Variants in WWOX observed in about 807,000 individuals in gnomAD.
WWOX encodes WW domain-containing oxidoreductase.
In WWOX, 69 loss-of-function variants were observed where a neutral mutation model predicts 46.2. The observed-to-expected ratio is 1.49, with a 90% CI of 1.23 to 1.82. The LOEUF (loss-of-function observed/expected upper bound fraction) is 1.82, where lower values mean the gene tolerates loss of function less well. Among genes scored for constraint, WWOX ranks in the 40% most tolerant of loss-of-function variants. WWOX has a pLI of 0.00. For synonymous variants in WWOX, 359 were observed against 202.6 expected (o/e 1.77, Z -6.56); for missense variants, 919 against 542.6 (o/e 1.69, Z -6.89).
chr16:79,176,531 A>C (rs1258153103), intron 8 of WWOX, among the ~76,000 whole-genome samples: 4 of 152,224 alleles, frequency 2.6e-5, no homozygotes, highest in African/African-American at 7.2e-5. Flanking sequence ...TAGCATCTGC[A>C]GTCTCTGGTA....
chr16:78,276,763 TG>T (rs952814272), intron 5 of WWOX, among the ~76,000 whole-genome samples: 4 of 152,216 alleles, frequency 2.6e-5, no homozygotes. Context: ...CCTGGCAATT[TG>T]GTGAGGGACG....
At chr16:78,880,108 G>C (rs1245163717) in intron 8 of WWOX, among the ~76,000 whole-genome samples, 1 of 152,134 alleles carries the variant, frequency 6.6e-6, no homozygotes, top group Non-Finnish European at 1.5e-5. Flanking sequence ...ACTTACATTT[G>C]TGAATAAGAA....
intron 8 of WWOX, among the ~76,000 whole-genome samples, chr16:78,829,806 C>G (rs941774554): frequency 5.3e-5 from 8 of 152,274 alleles, no homozygotes; most frequent in African/African-American, 1.4e-4. Context: ...ATTGGAACTC[C>G]TAATTCCAGA....
rs569756621 is a variant in WWOX at position 78,798,421 on chromosome 16, G to T, written c.1056+365669G>T. On this transcript the variant is annotated intron_variant, in intron 8 of 8. Transcript: ENST00000566780. ...CGACAAATGAAAAAACTGGTGCGATGCGGGAACAAAAGCTATTTTATCATT... is the reference window on the plus strand; with the variant it reads ...CGACAAATGAAAAAACTGGTGCGATTCGGGAACAAAAGCTATTTTATCATT... Among the ~76,000 whole-genome samples the T allele has an allele frequency of 6.7e-4, 102 of 152,242 alleles. 5 individuals carry two copies. In the South Asian group the frequency reaches 0.021, roughly 31 times the overall value.
At chr16:78,796,316 C>T (rs980607273) in intron 8 of WWOX, among the ~76,000 whole-genome samples, 1 of 152,234 alleles carries the variant, frequency 6.6e-6, no homozygotes, top group Admixed American at 6.5e-5. Context: ...CCTCCAAATC[C>T]TCTGCTGGAT....
At chr16:78,149,663 A>G (rs2034329618) in intron 4 of WWOX, among the ~76,000 whole-genome samples, 1 of 152,196 alleles carries the variant, frequency 6.6e-6, no homozygotes, top group Non-Finnish European at 1.5e-5. Flanking sequence ...TAGTAGGTTT[A>G]GCTTAAATTA....
In WWOX at chr16:79,123,269, G is replaced by A. The variant is rs185303738; in HGVS notation, c.1057-88339G>A. Among the ~76,000 whole-genome samples the A allele has an allele frequency of 5.9e-5, 9 of 152,260 alleles. No individual in the cohort carries two copies. In the East Asian group the frequency reaches 1.7e-3, roughly 29 times the overall value. ...TGTCCTCGGTGGGGACAGGAGAGCT[G>A]AGCATAAGGATCTAAGTTTAGACGC... On this transcript the variant is annotated intron_variant, in intron 8 of 8. Transcript: ENST00000566780.
At chr16:78,957,970 C>G (rs778482470) in intron 8 of WWOX, among the ~76,000 whole-genome samples, 2 of 152,126 alleles carry the variant, frequency 1.3e-5, no homozygotes, top group African/African-American at 4.8e-5. Flanking sequence ...ATCTCAGTGC[C>G]CTCTCACTTT....
chr16:78,882,942 G>T (rs8061768), intron 8 of WWOX, among the ~76,000 whole-genome samples: 2 of 151,960 alleles, frequency 1.3e-5, no homozygotes, highest in South Asian at 2.1e-4. Context: ...CGGCACCAGC[G>T]ATGTCGTAGG....
intron 8 of WWOX, among the ~76,000 whole-genome samples, chr16:78,685,168 G>T (rs989946713): frequency 1.3e-5 from 2 of 152,030 alleles, no homozygotes; most frequent in African/African-American, 4.8e-5. Flanking sequence ...TATGACCCTG[G>T]GAGGACTGGG....
chr16:79,066,498 G>C (rs2048444353), intron 8 of WWOX, among the ~76,000 whole-genome samples: 1 of 152,116 alleles, frequency 6.6e-6, no homozygotes, highest in African/African-American at 2.4e-5. Context: ...GGAAGGAAGG[G>C]GGAAGGGAAG....
intron 6 of WWOX, among the ~76,000 whole-genome samples, chr16:78,420,871 G>A (rs2033651687): frequency 6.6e-6 from 1 of 152,100 alleles, no homozygotes; most frequent in African/African-American, 2.4e-5. Context: ...AGGAAAAAAA[G>A]TAATCCTGAC....
chr16:78,965,568 T>TAA (rs76477109), intron 8 of WWOX, among the ~76,000 whole-genome samples: 32 of 141,838 alleles, frequency 2.3e-4, no homozygotes, highest in African/African-American at 2.9e-4. Flanking sequence ...AACTCCATCT[T>TAA]AAAAAAAAAA....
At chr16:78,974,689 C>T (rs1027739678) in intron 8 of WWOX, among the ~76,000 whole-genome samples, 1 of 152,170 alleles carries the variant, frequency 6.6e-6, no homozygotes, top group African/African-American at 2.4e-5. Context: ...TCTGTGGCTA[C>T]CTAATGGTGT....
At chr16:78,547,894 G>A (rs1162281956) in intron 8 of WWOX, among the ~76,000 whole-genome samples, 1 of 152,116 alleles carries the variant, frequency 6.6e-6, no homozygotes, top group Admixed American at 6.5e-5. Context: ...GCTCACACCT[G>A]TAATCCCAGC....
In WWOX at chr16:78,812,634, G is replaced by A. The variant is rs182125032; in HGVS notation, c.1056+379882G>A. On this transcript the variant is annotated intron_variant, in intron 8 of 8. Transcript: ENST00000566780. ...CCAGCTGCTCGGGAGGCTGACGCGCGAGAATCACTTGAACCCAGGAGGCGA... is the reference window on the plus strand; with the variant it reads ...CCAGCTGCTCGGGAGGCTGACGCGCAAGAATCACTTGAACCCAGGAGGCGA... Among the ~76,000 whole-genome samples the A allele has an allele frequency of 8.7e-4, 132 of 152,028 alleles. 1 individual carries two copies. The highest frequency in any genetic ancestry group is 3.4e-3 in the Middle Eastern group (1 of 294).
chr16:79,206,694 G>A (rs560423602), intron 8 of WWOX: 1 of 152,282 alleles, frequency 6.6e-6, no homozygotes, highest in Non-Finnish European at 1.5e-5. Flanking sequence ...CATCATTTTG[G>A]TGGAAGTTGG....
chr16:78,622,925 A>C (rs907421507), intron 8 of WWOX, among the ~76,000 whole-genome samples: 1 of 152,108 alleles, frequency 6.6e-6, no homozygotes, highest in Admixed American at 6.5e-5. Context: ...GGCTTTGAAA[A>C]AGTAAGCTGC....
At chr16:79,211,489 G>C (rs528290338) in intron 8 of WWOX, 119 bp from the exon 9 acceptor site, 33 of 1,309,226 alleles carry the variant, frequency 2.5e-5, no homozygotes, top group East Asian at 4.9e-5. Context: ...GCTATGCCAA[G>C]ATCCAGCTGA....
Sources: gnomAD v4.1 joint callset for allele counts (sites outside exome capture counted in the v4.1 genomes callset) on GRCh38, gnomAD v4.1.1 for gene constraint, MANE v1.5 for transcripts, NCBI Gene and HGNC (gene_info 2026-07-23, HGNC 2026-07-21) for gene names.